NCOR1: variants seen among roughly 807,000 people sequenced by gnomAD.
NCOR1 encodes the protein protein phosphatase 1, regulatory subunit 109.
In NCOR1, 63 loss-of-function variants were observed where a neutral mutation model predicts 288.1. The observed-to-expected ratio is 0.22, with a 90% CI of 0.18 to 0.27. The LOEUF (loss-of-function observed/expected upper bound fraction) is 0.27, where lower values mean the gene tolerates loss of function less well. Among genes scored for constraint, NCOR1 ranks in the 10% least tolerant of loss-of-function variants. The pLI is 1.00. For synonymous variants in NCOR1, 1,007 were observed against 1,065.9 expected (o/e 0.94, Z 1.08); for missense variants, 2,397 against 3,019.2 (o/e 0.79, Z 4.83).
At position 16,037,410 on chromosome 17, in the gene NCOR1, T is replaced by G. The variant is rs547042973; in HGVS notation, c.6955+2023A>C. ...ACACAGGGTTGCCATAAACCTTCAG[T>G]TAAAAAAAAAAGCACAATAAAACGA... On this transcript the variant is annotated intron_variant, in intron 44 of 45. Transcript: ENST00000268712. 1.3e-3 allele frequency among the ~76,000 whole-genome samples: 198 copies of G among 151,874 alleles called. 1 individual carries two copies. Among genetic ancestry groups the G allele is most frequent in the African/African-American group, 4.5e-3 (188 of 41,416 alleles).
chr17:16,113,854 C>G (rs767113699), intron 18 of NCOR1, among the ~76,000 whole-genome samples: 43 of 151,918 alleles, frequency 2.8e-4, no homozygotes, highest in Non-Finnish European at 4.7e-4. Flanking sequence ...GATCATGCCA[C>G]TGCACTCCAG....
rs1425472539 is a variant in NCOR1, at chr17:16,101,725, C to T, written c.2215G>A (p.Glu739Lys). The T allele has an allele frequency of 3.7e-6, 6 of 1,614,190 alleles. No individual in the cohort carries two copies. The highest frequency in any genetic ancestry group is 1.7e-5 in the Admixed American group (1 of 60,024). Residue 739 changes from glutamate (E) to lysine (K), a missense_variant, in exon 20 of 46, where the codon GAA becomes AAA. By Grantham distance (56) the Glu-to-Lys change is moderately conservative. Coordinates refer to ENST00000268712, the MANE Select transcript of NCOR1 (RefSeq NM_006311.4). ...GTGTTTCCTCGAGAAGTAGCATTTT[C>T]AGGACTGTCCTCGCTGGGCTTGACA... ...EAVKPSEDSP[E>K]NATSRGNTEP...
At position 16,051,681 on chromosome 17, in the gene NCOR1, G is replaced by A. The variant is rs549574124; in HGVS notation, c.6393-2693C>T. 2.6e-5 allele frequency among the ~76,000 whole-genome samples: 4 copies of A among 152,262 alleles called. No individual in the cohort carries two copies. The South Asian group carries it at 8.3e-4, about 32-fold the overall frequency. ...AATCCCAGCACGTGGGGACGCTAAGGCAGGCGGATCACCGGAGGTCGGGAG... is the reference window on the plus strand; with the variant it reads ...AATCCCAGCACGTGGGGACGCTAAGACAGGCGGATCACCGGAGGTCGGGAG... On this transcript the variant is annotated intron_variant, in intron 40 of 45. Coordinates refer to ENST00000268712, the MANE Select transcript of NCOR1 (RefSeq NM_006311.4).
At chr17:16,170,576 T>G (rs1250596120) in intron 4 of NCOR1, among the ~76,000 whole-genome samples, 2 of 152,072 alleles carry the variant, frequency 1.3e-5, no homozygotes, top group Non-Finnish European at 2.9e-5. Context: ...GGCTCATGCC[T>G]GTAATCCCAG....
At chr17:16,147,410 C>CA (rs5819557) in intron 9 of NCOR1, among the ~76,000 whole-genome samples, 63,466 of 151,832 alleles carry the variant, frequency 0.42, 15,122 homozygotes, top group Middle Eastern at 0.55. Context: ...CAAAACAAAA[C>CA]AAAAAACAGA....
intron 18 of NCOR1, among the ~76,000 whole-genome samples, chr17:16,116,824 TTAAG>T (rs2071697659): frequency 6.6e-6 from 1 of 152,238 alleles, no homozygotes; most frequent in Non-Finnish European, 1.5e-5. Flanking sequence ...AAGGACATTC[TTAAG>T]TGACATTTTA....
chr17:16,093,622 T>C (rs1018503434), intron 21 of NCOR1, among the ~76,000 whole-genome samples: 2 of 152,240 alleles, frequency 1.3e-5, no homozygotes, highest in African/African-American at 2.4e-5. Flanking sequence ...ATCTGGTAAC[T>C]TAAGACTTCC....
intron 40 of NCOR1, among the ~76,000 whole-genome samples, chr17:16,053,178 T>C (rs527743911): frequency 6.6e-6 from 1 of 152,272 alleles, no homozygotes; most frequent in African/African-American, 2.4e-5. Flanking sequence ...CAACATCCTA[T>C]TGGAAGTCTT....
At chr17:16,090,259 A>G (rs2064964816) in intron 22 of NCOR1, among the ~76,000 whole-genome samples, 1 of 152,176 alleles carries the variant, frequency 6.6e-6, no homozygotes, top group Non-Finnish European at 1.5e-5. Context: ...ATGCCTTGTC[A>G]TAAGTTCAAC....
At position 16,034,866 on chromosome 17, in the gene NCOR1, A is replaced by G; in HGVS notation, c.7034T>C (p.Leu2345Ser). 1 of 1,614,098 alleles carries G rather than the reference A, an allele frequency of 6.2e-7. No individual in the cohort carries two copies. The highest frequency in any genetic ancestry group is 8.5e-7 in the Non-Finnish European group (1 of 1,180,004). ...SKSPIPGQGY[L>S]GTERPSSVSS... ...GACTGAAGAGGGCCGTTCCGTTCCT[A>G]AGTAGCCTTGCCCAGGTATAGGAGA... Residue 2345 changes from leucine (L) to serine (S), a missense_variant, in exon 45 of 46, where the codon TTA (leucine) becomes TCA (serine). By Grantham distance (145) the Leu-to-Ser change is moderately radical (BLOSUM62 -2). This residue lies in a region of NCOR1 where 1,872 missense variants were observed against 2,187.8 expected (regional missense o/e 0.86). Transcript: ENST00000268712.
At chr17:16,187,540 TA>T (rs35461013) in intron 2 of NCOR1, among the ~76,000 whole-genome samples, 58,707 of 139,864 alleles carry the variant, frequency 0.42, 13,294 homozygotes, top group Middle Eastern at 0.55. Flanking sequence ...ATACTAAGTT[TA>T]AAAAAAAAAA....
chr17:16,070,433 A>G lies in NCOR1; in HGVS notation c.4245T>C (p.Arg1415=), dbSNP rs1255820260. 1 of 1,614,174 alleles carries G rather than the reference A, an allele frequency of 6.2e-7. No homozygotes were observed. The highest frequency in any genetic ancestry group is 8.5e-7 in the Non-Finnish European group (1 of 1,180,038). Residue 1415 remains arginine (R), a synonymous_variant, in exon 31 of 46, where the codon CGT becomes CGC. Transcript: ENST00000268712. ...SLITGPSKLS[R]GMPPLEIVPE... Reference sequence around the variant, plus strand: ...GCACAATTTCCAGCGGAGGCATTCCACGGGATAGTTTGCTAGGCCCCGTGA... The same window carrying G: ...GCACAATTTCCAGCGGAGGCATTCCGCGGGATAGTTTGCTAGGCCCCGTGA...
In NCOR1 at chr17:16,149,534, T is replaced by C. The variant is rs1249147844; in HGVS notation, c.843-17A>G. 6 of 1,339,404 alleles carry C rather than the reference T, an allele frequency of 4.5e-6. No homozygotes were observed. Among genetic ancestry groups the C allele is most frequent in the African/African-American group, 3.0e-5 (2 of 67,326 alleles). 83.0% of individuals were successfully genotyped at this position (1,339,404 alleles called of 1,614,324 possible). On this transcript the variant is annotated splice_polypyrimidine_tract_variant and intron_variant, in intron 8 of 45. Coordinates refer to ENST00000268712, the MANE Select transcript of NCOR1 (RefSeq NM_006311.4). The stretch of plus-strand genomic sequence containing the variant: ...ACCTGGTTTCTAGAAGAGAAAAATA[T>C]GGTTGCATGACATTAAGAAAAAGCA...
chr17:16,069,018 C>A (rs1159360601), intron 31 of NCOR1, among the ~76,000 whole-genome samples: 1 of 151,982 alleles, frequency 6.6e-6, no homozygotes, highest in Admixed American at 6.6e-5. Context: ...CCCAGCCACC[C>A]TCAATTTTTT....
chr17:16,070,354 C>T lies in NCOR1; in HGVS notation c.4324G>A (p.Glu1442Lys), dbSNP rs2152724807. Residue 1442 changes from glutamate (E) to lysine (K), a missense_variant, in exon 31 of 46, where the codon GAG becomes AAG. Coordinates refer to ENST00000268712, the MANE Select transcript of NCOR1 (RefSeq NM_006311.4). The stretch of plus-strand genomic sequence containing the variant: ...GACGTGTGCCGGGAACGCACGGTCT[C>T]GCCTGCTTTCACATCCTCATATTTT... ...RGKYEDVKAG[E>K]TVRSRHTSVV... The T allele has an allele frequency of 6.2e-7, 1 of 1,614,132 alleles. No homozygotes were observed. The highest frequency in any genetic ancestry group is 8.5e-7 in the Non-Finnish European group (1 of 1,180,026).
chr17:16,127,216 T>C lies in NCOR1; in HGVS notation c.1510-1010A>G, dbSNP rs991177000. Among the ~76,000 whole-genome samples, 11 of 147,234 alleles carry C rather than the reference T, an allele frequency of 7.5e-5. 2 individuals are homozygous for C. Among genetic ancestry groups the C allele is most frequent in the Admixed American group, 2.0e-4 (3 of 14,684 alleles). On this transcript the variant is annotated intron_variant, in intron 14 of 45. Coordinates refer to ENST00000268712, the MANE Select transcript of NCOR1 (RefSeq NM_006311.4). Reference sequence around the variant, plus strand: ...ATATATACATGTATGTATATATCTGTATGTATATATACATGTATGCATATA... The same window carrying C: ...ATATATACATGTATGTATATATCTGCATGTATATATACATGTATGCATATA...
intron 1 of NCOR1, among the ~76,000 whole-genome samples, chr17:16,207,572 T>G (rs1191637777): frequency 2.0e-5 from 3 of 151,820 alleles, no homozygotes; most frequent in Non-Finnish European, 4.4e-5. Flanking sequence ...AAACCCCATC[T>G]CTACTAAAAA....
At chr17:16,167,131 T>C (rs2082167522) in intron 4 of NCOR1, among the ~76,000 whole-genome samples, 1 of 152,184 alleles carries the variant, frequency 6.6e-6, no homozygotes, top group Non-Finnish European at 1.5e-5. Flanking sequence ...TTCAGCAGAC[T>C]TCAAAAGTGC....
At position 16,092,025 on chromosome 17, in the gene NCOR1, T is replaced by C. The variant is rs866838735; in HGVS notation, c.2854A>G (p.Thr952Ala). 1 of 1,614,026 alleles carries C rather than the reference T, an allele frequency of 6.2e-7. No individual in the cohort carries two copies. Among genetic ancestry groups the C allele is most frequent in the East Asian group, 2.2e-5 (1 of 44,882 alleles). ...SCTPCNIPIG[T>A]PVSGYALYQR... is the part of the protein sequence containing the mutation. The stretch of plus-strand genomic sequence containing the variant: ...TAGAGAGCATAGCCGCTCACTGGGG[T>C]TCCAATTGGTATGTTACATGGGGTG... Residue 952 changes from threonine to alanine, a missense_variant, in exon 22 of 46, where the codon ACC (threonine) becomes GCC (alanine). Thr to Ala is a moderately conservative substitution (Grantham distance 58, BLOSUM62 0). Around this residue, in one of 11 missense-constraint regions of NCOR1, gnomAD observed 1,872 missense variants for 2,187.8 expected, o/e 0.86. Coordinates refer to ENST00000268712, the MANE Select transcript of NCOR1 (RefSeq NM_006311.4).
Sources: gnomAD v4.1 joint callset for allele counts (sites outside exome capture counted in the v4.1 genomes callset) on GRCh38, gnomAD v4.1.1 for gene constraint, gnomAD v4.1.1 regional missense constraint, MANE v1.5 for transcripts, NCBI Gene and HGNC (gene_info 2026-07-23, HGNC 2026-07-21) for gene names.